The following TRIM33 variants were observed in gnomAD, a reference collection of about 807,000 sequenced individuals.
TRIM33 encodes the protein E3 ubiquitin-protein ligase TRIM33.
TRIM33 carries 20 observed loss-of-function variants against 125.4 expected under a neutral mutation model. The observed-to-expected ratio is 0.16, with a 90% CI of 0.11 to 0.23. The LOEUF (loss-of-function observed/expected upper bound fraction) is 0.23. TRIM33 is among the 10% of genes least tolerant of loss of function. The pLI is 1.00. For synonymous variants in TRIM33, 564 were observed against 513.9 expected, an observed-to-expected ratio of 1.10 and a Z score of -1.32; for missense variants, 920 against 1,411.4, an observed-to-expected ratio of 0.65 and a Z score of 5.58.
chr1:114,458,303 T>C (rs1649743893), intron 4 of TRIM33, among the ~76,000 whole-genome samples: 1 of 152,192 alleles, frequency 6.6e-6, no homozygotes, highest in African/African-American at 2.4e-5. Flanking sequence ...CAGGAGTCAC[T>C]AGCAAGTGGT....
Position 114,406,970 on chromosome 1 carries a change from T to C in TRIM33, c.2389A>G (p.Thr797Ala). Reference protein sequence around the residue: ...SFSGGVKQEKTEDGRRSACML... With the variant: ...SFSGGVKQEKAEDGRRSACML... ...CAAGCACTCCTCCTGCCATCCTCTGTTTTTTCTTGTTTTACACCTCCTGAA... is the reference window on the plus strand; with the variant it reads ...CAAGCACTCCTCCTGCCATCCTCTGCTTTTTCTTGTTTTACACCTCCTGAA... The change falls in exon 14 of 20, where the codon ACA becomes GCA. Residue 797 changes from threonine (T) to alanine (A), a missense_variant. Coordinates refer to ENST00000358465, the MANE Select transcript of TRIM33 (RefSeq NM_015906.4). 1 of 1,613,960 alleles carries C rather than the reference T, an allele frequency of 6.2e-7. No homozygotes were observed. The highest frequency in any genetic ancestry group is 1.1e-5 in the South Asian group (1 of 91,072).
chr1:114,481,275 T>C (rs1651315197), intron 1 of TRIM33, among the ~76,000 whole-genome samples: 1 of 152,120 alleles, frequency 6.6e-6, no homozygotes, highest in Non-Finnish European at 1.5e-5. Flanking sequence ...GTAACAATTA[T>C]AAATGTAAAT....
intron 1 of TRIM33, among the ~76,000 whole-genome samples, chr1:114,496,275 A>C (rs1652361901): frequency 6.6e-6 from 1 of 152,376 alleles, no homozygotes; most frequent in Non-Finnish European, 1.5e-5. Context: ...TGAGTTGTGT[A>C]ATTTGAATTT....
intron 1 of TRIM33, among the ~76,000 whole-genome samples, chr1:114,466,549 A>G (rs1228774569): frequency 6.6e-6 from 1 of 152,156 alleles, no homozygotes; most frequent in African/African-American, 2.4e-5. Flanking sequence ...CTCTGGGTGC[A>G]CTGGTGTCCA....
chr1:114,502,523 T>C (rs1370294739), intron 1 of TRIM33, among the ~76,000 whole-genome samples: 2 of 152,192 alleles, frequency 1.3e-5, no homozygotes, highest in African/African-American at 4.8e-5. Context: ...GTTTTGTTTG[T>C]TTTCTCAGAC....
chr1:114,487,227 A>G (rs941757478), intron 1 of TRIM33, among the ~76,000 whole-genome samples: 3 of 152,026 alleles, frequency 2.0e-5, no homozygotes, highest in African/African-American at 7.2e-5. Context: ...GATACATCAT[A>G]AAAGTTCTGA....
chr1:114,467,976 C>T (rs1650407267), intron 1 of TRIM33, among the ~76,000 whole-genome samples: 1 of 152,120 alleles, frequency 6.6e-6, no homozygotes, highest in Non-Finnish European at 1.5e-5. Flanking sequence ...TTACTTAAGT[C>T]AGAGCCCAGT....
intron 1 of TRIM33, among the ~76,000 whole-genome samples, chr1:114,469,837 T>C (rs547090301): frequency 4.6e-5 from 7 of 152,050 alleles, no homozygotes; most frequent in Admixed American, 4.6e-4. Flanking sequence ...AGAGGGAGAA[T>C]AAAGAAGAAT....
chr1:114,430,937 G>C, intron 5 of TRIM33, 25 bp from the exon 6 acceptor site: 1 of 1,290,326 alleles, frequency 7.7e-7, no homozygotes, highest in Non-Finnish European at 1.1e-6. Flanking sequence ...TGCATCATTA[G>C]GTTATCAACT....
chr1:114,414,985 T>G (rs929061950), intron 11 of TRIM33, among the ~76,000 whole-genome samples: 1 of 139,974 alleles, frequency 7.1e-6, no homozygotes, highest in Non-Finnish European at 1.5e-5. Flanking sequence ...ATGAGGTAGA[T>G]TCTATTTTTT....
chr1:114,461,289 T>A (rs1649978954), intron 4 of TRIM33, among the ~76,000 whole-genome samples: 1 of 132,430 alleles, frequency 7.6e-6, no homozygotes, highest in South Asian at 2.4e-4. Context: ...TATTATTATA[T>A]ATTTATATAT....
chr1:114,420,305 C>T (rs1367216615), intron 11 of TRIM33: 1 of 766,140 alleles, frequency 1.3e-6, no homozygotes, highest in Non-Finnish European at 2.0e-6. Flanking sequence ...ACTATCTTGG[C>T]CTTCTAACCC....
chr1:114,461,094 C>G (rs1358559297), intron 4 of TRIM33, among the ~76,000 whole-genome samples: 1 of 151,490 alleles, frequency 6.6e-6, no homozygotes, highest in Admixed American at 6.6e-5. Context: ...ATCTGTAATC[C>G]CAGCACTTTG....
chr1:114,479,994 T>C (rs930315980), intron 1 of TRIM33, among the ~76,000 whole-genome samples: 3 of 152,120 alleles, frequency 2.0e-5, no homozygotes, highest in Non-Finnish European at 4.4e-5. Flanking sequence ...CAACAGCTCA[T>C]TGAGAACAGG....
At chr1:114,450,442 G>A (rs951916433) in intron 4 of TRIM33, among the ~76,000 whole-genome samples, 3 of 152,072 alleles carry the variant, frequency 2.0e-5, no homozygotes, top group Non-Finnish European at 2.9e-5. Context: ...AGTGATTCTC[G>A]TGCGTCAGCC....
At position 114,408,674 on chromosome 1, in the gene TRIM33, C is replaced by T; in HGVS notation, c.2258+3G>A. On this transcript the variant is annotated splice_donor_region_variant and intron_variant, in intron 13 of 19. Coordinates refer to ENST00000358465, the MANE Select transcript of TRIM33 (RefSeq NM_015906.4). ...GGAAAAAAATAATTATCAATATACT[C>T]ACCTGCCTCGACTGCCAGTACTAGA... 1 of 1,586,264 alleles carries T rather than the reference C, an allele frequency of 6.3e-7. No individual in the cohort carries two copies. The highest frequency in any genetic ancestry group is 1.3e-5 in the African/African-American group (1 of 74,126).
intron 1 of TRIM33, among the ~76,000 whole-genome samples, chr1:114,504,250 G>C (rs550044866): frequency 1.3e-5 from 2 of 151,660 alleles, no homozygotes; most frequent in South Asian, 2.1e-4. Flanking sequence ...CTGCAGCCTC[G>C]ACACTCCGTG....
At chr1:114,492,022 T>C (rs564224486) in intron 1 of TRIM33, among the ~76,000 whole-genome samples, 2 of 152,214 alleles carry the variant, frequency 1.3e-5, no homozygotes, top group South Asian at 2.1e-4. Context: ...AATGAGAACA[T>C]GGCCACAACA....
intron 1 of TRIM33, among the ~76,000 whole-genome samples, chr1:114,474,763 A>G (rs1483120750): frequency 6.6e-6 from 1 of 151,512 alleles, no homozygotes; most frequent in East Asian, 2.0e-4. Flanking sequence ...GTGGTGGCGC[A>G]TGCCTGTAAT....
Sources: gnomAD v4.1 joint callset for allele counts (sites outside exome capture counted in the v4.1 genomes callset) on GRCh38, gnomAD v4.1.1 for gene constraint, MANE v1.5 for transcripts, NCBI Gene and HGNC (gene_info 2026-07-23, HGNC 2026-07-21) for gene names.